Variants in TMEM129 observed in about 807,000 individuals in gnomAD.
The protein encoded by TMEM129 is transmembrane protein 129, E3 ubiquitin ligase.
A neutral mutation model predicts 34.1 loss-of-function variants in TMEM129; 35 were observed. The observed-to-expected ratio is 1.03, with a 90% CI of 0.78 to 1.36. TMEM129 has a LOEUF of 1.36. TMEM129 is among the 40% of genes most tolerant of loss of function. TMEM129 has a pLI of 0.00. For missense variants in TMEM129, 504 were observed against 512.6 expected (o/e 0.98, Z 0.16); for synonymous variants, 239 against 217.3 (o/e 1.10, Z -0.88).
In TMEM129 at chr4:1,720,958, C is replaced by G; in HGVS notation, c.-121G>C. ...GCCGCCCGGCCGCCCGCGGGGCACT[C>G]TAGGACATGGAGTCCCGCCGCCCGG... On this transcript the variant is annotated 5_prime_UTR_variant, in exon 1 of 4. The change abolishes the stop of an existing upstream ORF in the 5' untranslated region. Transcript: ENST00000382936. The surrounding 1 kb of genome is among the most constrained non-coding windows in gnomAD (Gnocchi z 4.4). 1 of 655,628 alleles carries G rather than the reference C, an allele frequency of 1.5e-6. No individual in the cohort carries two copies. Among genetic ancestry groups the G allele is most frequent in the Admixed American group, 4.6e-5 (1 of 21,908 alleles). The allele number at this position is 655,628 out of a possible 1,614,324, so 40.6% of individuals were successfully genotyped here. A position where few individuals can be genotyped will look rare whatever the true frequency, so the allele number is the denominator to read the frequency against.
Position 1,720,405 on chromosome 4 carries a change from C to A in TMEM129, c.205+228G>T, listed in dbSNP as rs1717241368. ...CAGGACTTGGTGGGCCGGAGCATCC[C>A]TTGCCCAAGGTTCTGAACTTGGGTT... On this transcript the variant is annotated intron_variant, in intron 1 of 3. Coordinates refer to ENST00000382936, the MANE Select transcript of TMEM129 (RefSeq NM_001127266.2). The surrounding 1 kb of genome is among the most constrained non-coding windows in gnomAD (Gnocchi z 4.4). 6.6e-6 allele frequency among the ~76,000 whole-genome samples: 1 copy of A among 152,264 alleles called. No homozygotes were observed. The highest frequency in any genetic ancestry group is 2.1e-4 in the South Asian group (1 of 4,838).
intron 2 of TMEM129, 68 bp downstream of exon 2, chr4:1,718,084 C>G: frequency 7.2e-7 from 1 of 1,397,752 alleles, no homozygotes; most frequent in Non-Finnish European, 9.6e-7. Context: ...TCCCAGGGGT[C>G]GTGGCACCAG....
In TMEM129 at chr4:1,717,739, C is replaced by A. The variant is rs1019179590; in HGVS notation, c.681-64G>T. ...AAGGGAGCGGAAGATGGAGGCTACA[C>A]CCCAAGGAGTGACAGGGCAGCTGTC... On this transcript the variant is annotated intron_variant, in intron 2 of 3. Transcript: ENST00000382936. 1.9e-5 allele frequency: 28 copies of A among 1,449,402 alleles called. 1 individual carries two copies. In the South Asian group the frequency reaches 3.8e-4, roughly 20 times the overall value. The allele number at this position is 1,449,402 out of a possible 1,614,324, so 89.8% of individuals were successfully genotyped here. A position where few individuals can be genotyped will look rare whatever the true frequency, so the allele number is the denominator to read the frequency against.
At chr4:1,719,375 C>G (rs1169467583) in intron 1 of TMEM129, 1 of 363,278 alleles carries the variant, frequency 2.8e-6, no homozygotes, top group African/African-American at 2.1e-5. Context: ...ACGGTGAAAC[C>G]CCATCTCCAC....
At chr4:1,719,707 G>C (rs964621917) in intron 1 of TMEM129, among the ~76,000 whole-genome samples, 4 of 152,172 alleles carry the variant, frequency 2.6e-5, no homozygotes, top group Non-Finnish European at 5.9e-5. Context: ...AGCTGGAAGG[G>C]CTACAGAAAC....
At position 1,716,853 on chromosome 4, in the gene TMEM129, G is replaced by C. The variant is rs1314975327; in HGVS notation, c.*327C>G. Reference sequence around the variant, plus strand: ...GCCCAGATGACGACCACCTGGGGTAGACCCAGGGTCTCCAGGGAATGGCTC... The same window carrying C: ...GCCCAGATGACGACCACCTGGGGTACACCCAGGGTCTCCAGGGAATGGCTC... On this transcript the variant is annotated 3_prime_UTR_variant, in exon 4 of 4. Transcript: ENST00000382936. The C allele has an allele frequency of 1.9e-5, 6 of 322,290 alleles. No individual in the cohort carries two copies. The highest frequency in any genetic ancestry group is 3.4e-5 in the Non-Finnish European group (6 of 176,842). The allele number at this position is 322,290 out of a possible 1,614,324, so 20.0% of individuals were successfully genotyped here. A position where few individuals can be genotyped will look rare whatever the true frequency, so the allele number is the denominator to read the frequency against.
At position 1,720,733 on chromosome 4, in the gene TMEM129, G is replaced by C; in HGVS notation, c.105C>G (p.Asn35Lys). 6.4e-7 allele frequency: 1 copy of C among 1,570,876 alleles called. No homozygotes were observed. Among genetic ancestry groups the C allele is most frequent in the Non-Finnish European group, 8.6e-7 (1 of 1,159,800 alleles). ...EFHAAGLTVQNLLSGWLGSED... is the reference protein window; with the variant it reads ...EFHAAGLTVQKLLSGWLGSED... The stretch of plus-strand genomic sequence containing the variant: ...CGCTGCCCAGCCAGCCCGACAGCAG[G>C]TTCTGCACCGTGAGCCCCGCCGCGT... The change falls in exon 1 of 4, where the codon AAC (asparagine) becomes AAG (lysine). Residue 35 changes from asparagine (N) to lysine (K), a missense_variant. Physicochemically the swap from Asn to Lys is moderately conservative, Grantham distance 94. Coordinates refer to ENST00000382936, the MANE Select transcript of TMEM129 (RefSeq NM_001127266.2). This position sits in a 1 kb window ranked among gnomAD's most constrained non-coding sequence, Gnocchi z 4.4.
In TMEM129 at chr4:1,720,929, G is replaced by A. The variant is rs1422554787; in HGVS notation, c.-92C>T. ...CAGTCCCGGACCTGTCGGTTGCGGCGGCCGCCGCCCGGCCGCCCGCGGGGC... is the reference window on the plus strand; with the variant it reads ...CAGTCCCGGACCTGTCGGTTGCGGCAGCCGCCGCCCGGCCGCCCGCGGGGC... On this transcript the variant is annotated 5_prime_UTR_variant, in exon 1 of 4. Coordinates refer to ENST00000382936, the MANE Select transcript of TMEM129 (RefSeq NM_001127266.2). The surrounding 1 kb of genome is among the most constrained non-coding windows in gnomAD (Gnocchi z 4.4). 8.4e-7 allele frequency: 1 copy of A among 1,189,998 alleles called. No individual in the cohort carries two copies. The highest frequency in any genetic ancestry group is 1.1e-6 in the Non-Finnish European group (1 of 927,176). 73.7% of individuals were successfully genotyped at this position (1,189,998 alleles called of 1,614,324 possible). A position where few individuals can be genotyped will look rare whatever the true frequency, so the allele number is the denominator to read the frequency against.
chr4:1,720,087 A>T lies in TMEM129; in HGVS notation c.205+546T>A, dbSNP rs1717211366. Among the ~76,000 whole-genome samples, 1 of 151,774 alleles carries T rather than the reference A, an allele frequency of 6.6e-6. No individual in the cohort carries two copies. Among genetic ancestry groups the T allele is most frequent in the Non-Finnish European group, 1.5e-5 (1 of 67,948 alleles). ...AGAGGGACCTTCCAGAGCCCCAGCTAGCACCTGGGGCCCAGCCCAGCACCC... is the reference window on the plus strand; with the variant it reads ...AGAGGGACCTTCCAGAGCCCCAGCTTGCACCTGGGGCCCAGCCCAGCACCC... On this transcript the variant is annotated intron_variant, in intron 1 of 3. Transcript: ENST00000382936. The surrounding 1 kb of genome is among the most constrained non-coding windows in gnomAD (Gnocchi z 4.4).
In TMEM129 at chr4:1,716,406, G is replaced by T. The variant is rs148843894; in HGVS notation, c.*774C>A. 4.5e-3 allele frequency: 682 copies of T among 152,480 alleles called. 9 individuals carry two copies. Among genetic ancestry groups the T allele is most frequent in the Non-Finnish European group, 7.7e-3 (527 of 68,144 alleles). 9.4% of individuals were successfully genotyped at this position (152,480 alleles called of 1,614,324 possible). A position where few individuals can be genotyped will look rare whatever the true frequency, so the allele number is the denominator to read the frequency against. On this transcript the variant is annotated 3_prime_UTR_variant, in exon 4 of 4. Transcript: ENST00000382936. Reference sequence around the variant, plus strand: ...CTGGGAGACCCTAGGGGAGTGGGTAGCCTGGGCTGGACCCCTGGTGGGCTT... The same window carrying T: ...CTGGGAGACCCTAGGGGAGTGGGTATCCTGGGCTGGACCCCTGGTGGGCTT...
chr4:1,719,105 G>A, intron 1 of TMEM129: 1 of 1,195,910 alleles, frequency 8.4e-7, no homozygotes, highest in Non-Finnish European at 1.1e-6. Flanking sequence ...CCAGCTTCAG[G>A]GCCCTGCTGG....
At position 1,717,220 on chromosome 4, in the gene TMEM129, C is replaced by T. The variant is rs1325151735; in HGVS notation, c.1049G>A (p.Arg350His). The T allele has an allele frequency of 1.4e-5, 21 of 1,495,762 alleles. No homozygotes were observed. Among genetic ancestry groups the T allele is most frequent in the South Asian group, 7.6e-5 (6 of 79,372 alleles). The allele number at this position is 1,495,762 out of a possible 1,614,324, so 92.7% of individuals were successfully genotyped here. The part of the protein sequence containing the change: ...LASRVPCPTC[R>H]ARFCILDVCT... Reference sequence around the variant, plus strand: ...CACATCCAGGATGCAGAAGCGTGCGCGGCAGGTGGGGCAGGGCACGCGGCT... The same window carrying T: ...CACATCCAGGATGCAGAAGCGTGCGTGGCAGGTGGGGCAGGGCACGCGGCT... Residue 350 changes from arginine (R) to histidine (H), a missense_variant, in exon 4 of 4, where the codon CGC (arginine) becomes CAC (histidine). By Grantham distance (29) the Arg-to-His change is conservative. Coordinates refer to ENST00000382936, the MANE Select transcript of TMEM129 (RefSeq NM_001127266.2).
rs61738628 is a variant in TMEM129 at position 1,717,335 on chromosome 4, A to G, written c.934T>C (p.Cys312Arg). Residue 312 changes from cysteine to arginine, a missense_variant, in exon 4 of 4, where the codon TGT becomes CGT. Cys to Arg is a radical substitution (Grantham distance 180, BLOSUM62 -3). Transcript: ENST00000382936. Reference sequence around the variant, plus strand: ...AGGCACCACATGGGGCGGCAGTAACACTGCTGGCACTCGCCTGTGGCTGCC... The same window carrying G: ...AGGCACCACATGGGGCGGCAGTAACGCTGCTGGCACTCGCCTGTGGCTGCC... Reference protein sequence around the residue: ...QEAATGECQQCYCRPMWCLTC... With the variant: ...QEAATGECQQRYCRPMWCLTC... 9.6e-5 allele frequency: 148 copies of G among 1,536,516 alleles called. No individual in the cohort carries two copies. Among genetic ancestry groups the G allele is most frequent in the Non-Finnish European group, 1.2e-4 (142 of 1,136,058 alleles).
chr4:1,720,690 G>A lies in TMEM129; in HGVS notation c.148C>T (p.Pro50Ser), dbSNP rs1028150396. The change falls in exon 1 of 4, where the codon CCC becomes TCC. Residue 50 changes from proline to serine, a missense_variant. By Grantham distance (74) the Pro-to-Ser change is moderately conservative. Coordinates refer to ENST00000382936, the MANE Select transcript of TMEM129 (RefSeq NM_001127266.2). The surrounding 1 kb of genome is among the most constrained non-coding windows in gnomAD (Gnocchi z 4.4). ...GCGGCCGTGCGGCGCAAGTGGAAGG[G>A]CACGAAGGCGGCGTCCTCGCTGCCC... The part of the protein sequence containing the change: ...WLGSEDAAFV[P>S]FHLRRTAATL... 3.9e-6 allele frequency: 6 copies of A among 1,552,560 alleles called. No individual in the cohort carries two copies. Among genetic ancestry groups the A allele is most frequent in the African/African-American group, 1.4e-5 (1 of 73,134 alleles).
At position 1,721,312 on chromosome 4, in the gene TMEM129, T is replaced by G. The variant is rs1316382670; in HGVS notation, c.-475A>C. ...ATGGGGCGACTGCGAGCCCGGGGTC[T>G]CAGCTTCAGACACCCTGGCGTGCCC... On this transcript the variant is annotated 5_prime_UTR_variant, in exon 1 of 4. Coordinates refer to ENST00000382936, the MANE Select transcript of TMEM129 (RefSeq NM_001127266.2). The G allele has an allele frequency of 1.5e-5, 2 of 137,796 alleles. No homozygotes were observed. Among genetic ancestry groups the G allele is most frequent in the Non-Finnish European group, 3.1e-5 (2 of 64,984 alleles). 8.5% of individuals were successfully genotyped at this position (137,796 alleles called of 1,614,324 possible).
Position 1,718,526 on chromosome 4 carries a change from G to T in TMEM129, c.306C>A (p.Thr102=). 6.6e-7 allele frequency: 1 copy of T among 1,523,584 alleles called. No individual in the cohort carries two copies. The highest frequency in any genetic ancestry group is 8.9e-7 in the Non-Finnish European group (1 of 1,129,828). 94.4% of individuals were successfully genotyped at this position (1,523,584 alleles called of 1,614,324 possible). The change falls in exon 2 of 4, where the codon ACC becomes ACA. Residue 102 remains threonine, a synonymous_variant. Transcript: ENST00000382936. ...AWRLFLLLAV[T]LPSIACILIY... Reference sequence around the variant, plus strand: ...TCAGGATGCAGGCGATGGAGGGGAGGGTCACGGCCAGCAGCAGGAAGAGCC... The same window carrying T: ...TCAGGATGCAGGCGATGGAGGGGAGTGTCACGGCCAGCAGCAGGAAGAGCC...
chr4:1,718,956 C>T, intron 1 of TMEM129: 3 of 1,253,412 alleles, frequency 2.4e-6, no homozygotes, highest in Non-Finnish European at 3.1e-6. Flanking sequence ...GGGCAGCTGC[C>T]TGGACAGGAT....
intron 1 of TMEM129, chr4:1,718,986 C>T: frequency 7.9e-7 from 1 of 1,259,752 alleles, no homozygotes; most frequent in South Asian, 1.4e-5. Context: ...TCAATCTCAC[C>T]CGCTCTGAGG....
intron 1 of TMEM129, among the ~76,000 whole-genome samples, chr4:1,719,457 T>A (rs1717159986): frequency 6.6e-6 from 1 of 152,088 alleles, no homozygotes; most frequent in Non-Finnish European, 1.5e-5. Context: ...AGGCCGAAGT[T>A]GCAGTGAGCC....
Sources: allele counts gnomAD v4.1 joint callset (sites outside exome capture counted in the v4.1 genomes callset), GRCh38; gene constraint gnomAD v4.1.1; non-coding constraint Gnocchi (gnomAD v3.1); transcripts MANE v1.5; gene names NCBI Gene and HGNC (gene_info 2026-07-23, HGNC 2026-07-21).